ZNF215: variants seen among roughly 807,000 people sequenced by gnomAD.
ZNF215 encodes the protein BWSCR2-associated zinc finger protein 2.
In ZNF215, 24 loss-of-function variants were observed where a neutral mutation model predicts 27.2. The ratio of observed to expected loss-of-function variants is 0.88; its 90% CI spans 0.64 to 1.24. The LOEUF is 1.24. Among genes scored for constraint, ZNF215 ranks in the 50% most tolerant of loss-of-function variants. ZNF215 has a pLI of 0.00. For synonymous variants in ZNF215, 210 were observed against 204.0 expected (o/e 1.03, Z -0.25); for missense variants, 675 against 605.7 (o/e 1.11, Z -1.20).
downstream of ZNF215, among the ~76,000 whole-genome samples, chr11:6,962,262 C>G (rs1850530083): frequency 6.6e-6 from 1 of 152,130 alleles, no homozygotes. Flanking sequence ...GAGCTGCAAC[C>G]TGAGATCTAG....
At chr11:6,986,565 G>C (rs908938681), downstream of ZNF215, among the ~76,000 whole-genome samples, 64 of 152,118 alleles carry the variant, frequency 4.2e-4, no homozygotes, top group African/African-American at 1.5e-3. Flanking sequence ...GATCATCAAA[G>C]GAGTAAACAG....
At chr11:6,989,283 C>G (rs1242588941), downstream of ZNF215, among the ~76,000 whole-genome samples, 1 of 151,680 alleles carries the variant, frequency 6.6e-6, no homozygotes, top group African/African-American at 2.4e-5. Context: ...GCAGTCTGAT[C>G]AAACATCCCA....
chr11:6,992,861 A>G (rs926689031), downstream of ZNF215, among the ~76,000 whole-genome samples: 19 of 150,972 alleles, frequency 1.3e-4, no homozygotes, highest in African/African-American at 4.7e-4. Flanking sequence ...AATCAACTCC[A>G]TCGTAAAACC....
At chr11:6,949,239 T>A (rs1030680465) in intron 6 of ZNF215, among the ~76,000 whole-genome samples, 5 of 152,090 alleles carry the variant, frequency 3.3e-5, no homozygotes, top group African/African-American at 1.2e-4. Flanking sequence ...AGCAGCATGA[T>A]TTATAATCCT....
intron 5 of ZNF215, among the ~76,000 whole-genome samples, chr11:6,966,455 G>T (rs966534543): frequency 6.6e-6 from 1 of 150,870 alleles, no homozygotes; most frequent in Admixed American, 6.6e-5. Context: ...TAACAAACCT[G>T]TACATATCCC....
chr11:6,941,403 G>A (rs1849626262), intron 3 of ZNF215, among the ~76,000 whole-genome samples, 168 bp from the exon 4 acceptor site: 1 of 152,170 alleles, frequency 6.6e-6, no homozygotes, highest in Non-Finnish European at 1.5e-5. Context: ...AAAAATACAA[G>A]ATCTAGGCCT....
At chr11:6,962,498 A>G (rs998706684), downstream of ZNF215, among the ~76,000 whole-genome samples, 4 of 152,136 alleles carry the variant, frequency 2.6e-5, no homozygotes, top group African/African-American at 7.2e-5. Context: ...TATATTATCT[A>G]TGATTCACAT....
chr11:6,985,546 C>T (rs552591736), downstream of ZNF215, among the ~76,000 whole-genome samples: 6 of 152,254 alleles, frequency 3.9e-5, no homozygotes, highest in South Asian at 1.2e-3. Flanking sequence ...CTAGCTGAAA[C>T]AATCAGGTAA....
chr11:6,942,329 A>G (rs1849658558), intron 4 of ZNF215, among the ~76,000 whole-genome samples: 1 of 152,152 alleles, frequency 6.6e-6, no homozygotes. Context: ...AAGTGGAATA[A>G]TTGATGGTGT....
At chr11:6,993,956 C>T (rs747823683) in intron 6 of ZNF215, among the ~76,000 whole-genome samples, 4 of 152,098 alleles carry the variant, frequency 2.6e-5, no homozygotes, top group Non-Finnish European at 4.4e-5. Flanking sequence ...AGCATCCTTT[C>T]ACAATATATT....
At chr11:6,967,770 G>A (rs940104981) in intron 5 of ZNF215, among the ~76,000 whole-genome samples, 5 of 152,062 alleles carry the variant, frequency 3.3e-5, no homozygotes, top group African/African-American at 1.2e-4. Context: ...TTCTTTTGCT[G>A]TGCAGAAGCT....
At chr11:6,989,995 G>A (rs1851099992), downstream of ZNF215, among the ~76,000 whole-genome samples, 1 of 152,074 alleles carries the variant, frequency 6.6e-6, no homozygotes, top group South Asian at 2.1e-4. Flanking sequence ...TACATGGCAG[G>A]ATGCAATCAG....
chr11:6,956,700 A>G lies in ZNF215; in HGVS notation c.*169A>G, dbSNP rs1590073605. On this transcript the variant is annotated 3_prime_UTR_variant, in exon 7 of 7. Transcript: ENST00000278319. ...TGGATAGAAATATCATTGGATAGAAATCTGTTTGAAGGAATTTTCCTGGTT... is the reference window on the plus strand; with the variant it reads ...TGGATAGAAATATCATTGGATAGAAGTCTGTTTGAAGGAATTTTCCTGGTT... 1.4e-6 allele frequency: 2 copies of G among 1,388,014 alleles called. No homozygotes were observed. Among genetic ancestry groups the G allele is most frequent in the Non-Finnish European group, 1.9e-6 (2 of 1,078,860 alleles). 86.0% of individuals were successfully genotyped at this position (1,388,014 alleles called of 1,614,324 possible). A position where few individuals can be genotyped will look rare whatever the true frequency, so the allele number is the denominator to read the frequency against.
intron 5 of ZNF215, among the ~76,000 whole-genome samples, chr11:6,964,421 T>G (rs2133324212): frequency 6.6e-6 from 1 of 152,238 alleles, no homozygotes; most frequent in South Asian, 2.1e-4. Context: ...TGATCTATTC[T>G]TAGTTAACAT....
chr11:6,958,689 A>G (rs1263300068), downstream of ZNF215, among the ~76,000 whole-genome samples: 2 of 152,206 alleles, frequency 1.3e-5, no homozygotes, highest in African/African-American at 4.8e-5. Flanking sequence ...GGCTGCCTGC[A>G]AGCTGAGGAG....
intron 6 of ZNF215, among the ~76,000 whole-genome samples, chr11:6,943,909 G>A (rs994881970): frequency 6.7e-6 from 1 of 150,220 alleles, no homozygotes; most frequent in African/African-American, 2.5e-5. Flanking sequence ...CTGTAACATA[G>A]AGTTAATAAT....
chr11:6,971,192 C>T (rs140107938), intron 5 of ZNF215, among the ~76,000 whole-genome samples: 1,910 of 152,004 alleles, frequency 0.013, 34 homozygotes, highest in Non-Finnish European at 0.016. Flanking sequence ...TAATAAGGAT[C>T]GTCTCTTATT....
chr11:6,956,687 T>C lies in ZNF215; in HGVS notation c.*156T>C. 2.9e-6 allele frequency: 4 copies of C among 1,387,628 alleles called. No individual in the cohort carries two copies. Among genetic ancestry groups the C allele is most frequent in the Non-Finnish European group, 3.7e-6 (4 of 1,079,000 alleles). 86.0% of individuals were successfully genotyped at this position (1,387,628 alleles called of 1,614,324 possible). On this transcript the variant is annotated 3_prime_UTR_variant, in exon 7 of 7. Transcript: ENST00000278319. ...ACAGAATTAATGTTGGATAGAAATATCATTGGATAGAAATCTGTTTGAAGG... is the reference window on the plus strand; with the variant it reads ...ACAGAATTAATGTTGGATAGAAATACCATTGGATAGAAATCTGTTTGAAGG...
At chr11:6,940,165 T>G (rs948305751) in intron 3 of ZNF215, among the ~76,000 whole-genome samples, 3 of 151,642 alleles carry the variant, frequency 2.0e-5, no homozygotes, top group African/African-American at 7.3e-5. Flanking sequence ...GCCAGGAGTT[T>G]GAGATTGTAG....
Sources: gnomAD v4.1 joint callset for allele counts (sites outside exome capture counted in the v4.1 genomes callset) on GRCh38, gnomAD v4.1.1 for gene constraint, MANE v1.5 for transcripts, NCBI Gene and HGNC (gene_info 2026-07-23, HGNC 2026-07-21) for gene names.